CFAP52: variants seen among roughly 807,000 people sequenced by gnomAD.
CFAP52 encodes the protein cilia and flagella associated protein 52, also known as cilia- and flagella-associated protein 52.
In CFAP52, 57 loss-of-function variants were observed where a neutral mutation model predicts 70.5. The ratio of observed to expected loss-of-function variants is 0.81; its 90% CI spans 0.65 to 1.01. The LOEUF is 1.01. CFAP52 is among the 50% of genes least tolerant of loss of function. CFAP52 has a pLI of 0.00. For synonymous variants in CFAP52, 267 were observed against 292.5 expected, an observed-to-expected ratio of 0.91 and a Z score of 0.89; for missense variants, 785 against 788.5, an observed-to-expected ratio of 1.00 and a Z score of 0.05.
chr17:9,623,094 G>GTT (rs921907539), intron 8 of CFAP52, among the ~76,000 whole-genome samples: 9 of 152,050 alleles, frequency 5.9e-5, no homozygotes, highest in Admixed American at 5.9e-4. Context: ...ATTTCTCACA[G>GTT]TTTTTGTTTT....
intron 9 of CFAP52, among the ~76,000 whole-genome samples, chr17:9,630,447 A>T (rs1461426370): frequency 7.1e-6 from 1 of 140,040 alleles, no homozygotes; most frequent in Non-Finnish European, 1.5e-5. Flanking sequence ...TTTTTTTTTA[A>T]GAGACGGAGT....
chr17:9,606,900 GT>G (rs1220012000), intron 6 of CFAP52, among the ~76,000 whole-genome samples: 1 of 152,152 alleles, frequency 6.6e-6, no homozygotes, highest in African/African-American at 2.4e-5. Context: ...TTGAGCCTTG[GT>G]TTCTCTTCTC....
At chr17:9,602,992 G>A (rs1909339820) in intron 6 of CFAP52, among the ~76,000 whole-genome samples, 1 of 152,158 alleles carries the variant, frequency 6.6e-6, no homozygotes, top group South Asian at 2.1e-4. Context: ...TCAGGTTAAG[G>A]AGAGCAAGTC....
intron 8 of CFAP52, among the ~76,000 whole-genome samples, chr17:9,621,853 G>A (rs2151945174): frequency 7.2e-6 from 1 of 138,920 alleles, no homozygotes; most frequent in East Asian, 2.2e-4. Flanking sequence ...GGGGACTGTG[G>A]TGGGGTCGGG....
chr17:9,635,859 A>G (rs1039415356), intron 11 of CFAP52, among the ~76,000 whole-genome samples: 6 of 152,120 alleles, frequency 3.9e-5, no homozygotes, highest in Non-Finnish European at 8.8e-5. Context: ...AGTGTCCCAA[A>G]TGAAAGGGGG....
downstream of CFAP52, among the ~76,000 whole-genome samples, chr17:9,644,208 C>T (rs990172193): frequency 2.0e-5 from 3 of 152,142 alleles, no homozygotes; most frequent in African/African-American, 7.2e-5. Context: ...CTGAATCAAG[C>T]GATTCTCCTG....
chr17:9,579,607 T>C (rs1908121852), intron 1 of CFAP52, among the ~76,000 whole-genome samples: 1 of 152,146 alleles, frequency 6.6e-6, no homozygotes, highest in African/African-American at 2.4e-5. Flanking sequence ...TCACCCTGTC[T>C]CCCAGGCTGG....
chr17:9,635,596 A>G, intron 11 of CFAP52, 40 bp downstream of exon 11: 1 of 1,612,694 alleles, frequency 6.2e-7, no homozygotes, highest in Non-Finnish European at 8.5e-7. Flanking sequence ...GATACCTGCA[A>G]AATCCAATCA....
chr17:9,583,473 A>G (rs1205304097), intron 1 of CFAP52, among the ~76,000 whole-genome samples: 2 of 152,068 alleles, frequency 1.3e-5, no homozygotes, highest in Non-Finnish European at 2.9e-5. Flanking sequence ...TAGCAACAAA[A>G]AAGTTTTTTA....
At chr17:9,622,134 T>A (rs1016348958) in intron 8 of CFAP52, among the ~76,000 whole-genome samples, 2 of 152,224 alleles carry the variant, frequency 1.3e-5, no homozygotes, top group African/African-American at 2.4e-5. Flanking sequence ...ATGTCCTGTG[T>A]TGAAATTATT....
At chr17:9,622,552 A>AAGAAG (rs113311384) in intron 8 of CFAP52, among the ~76,000 whole-genome samples, 114 of 151,486 alleles carry the variant, frequency 7.5e-4, no homozygotes, top group African/African-American at 2.7e-3. Flanking sequence ...ATTAAAAAAA[A>AAGAAG]AAGAAGAAGA....
At chr17:9,580,493 G>C (rs1489048088) in intron 1 of CFAP52, among the ~76,000 whole-genome samples, 1 of 152,098 alleles carries the variant, frequency 6.6e-6, no homozygotes, top group Non-Finnish European at 1.5e-5. Context: ...TTTGAGACCA[G>C]CCTGGGCAAC....
chr17:9,613,742 C>G (rs1408103083), intron 8 of CFAP52, among the ~76,000 whole-genome samples: 2 of 152,076 alleles, frequency 1.3e-5, no homozygotes, highest in Non-Finnish European at 2.9e-5. Flanking sequence ...TGGTCTTGAA[C>G]TCCCGACTTC....
intron 10 of CFAP52, among the ~76,000 whole-genome samples, chr17:9,634,597 GA>G (rs541601611): frequency 6.6e-6 from 1 of 150,580 alleles, no homozygotes; most frequent in Non-Finnish European, 1.5e-5. Context: ...CTCAAAAAAA[GA>G]AAAAAAAATA....
rs1212164099 is a variant in CFAP52, at chr17:9,641,605, A to G, written c.1576-119A>G. On this transcript the variant is annotated intron_variant, in intron 12 of 13. Coordinates refer to ENST00000352665, the MANE Select transcript of CFAP52 (RefSeq NM_145054.5). The stretch of plus-strand genomic sequence containing the variant: ...TAGCCTATTTATAATTTCAGCCAGT[A>G]TCATCCCGTGGTGTATTTTTGCTCC... 1.3e-5 allele frequency: 8 copies of G among 632,468 alleles called. No homozygotes were observed. In the East Asian group the frequency reaches 1.7e-4, roughly 13 times the overall value. The allele number at this position is 632,468 out of a possible 1,614,324, so 39.2% of individuals were successfully genotyped here.
intron 11 of CFAP52, among the ~76,000 whole-genome samples, chr17:9,637,461 T>G (rs1009599661): frequency 2.6e-5 from 4 of 152,344 alleles, no homozygotes; most frequent in Middle Eastern, 3.4e-3. Flanking sequence ...GTGCATTTTT[T>G]AGCCAGGAAA....
In CFAP52 at chr17:9,643,063, G is replaced by A; in HGVS notation, c.1728G>A (p.Glu576=). ...TGGTCAAAGTTTGGGATTATAATGA[G>A]GGTGAAGTGACTCACGTTGGGGTGG... The part of the protein sequence containing the change: ...DHLVKVWDYN[E]GEVTHVGVGH... Residue 576 remains glutamate (E), a synonymous_variant, in exon 14 of 14, where the codon GAG becomes GAA. Coordinates refer to ENST00000352665, the MANE Select transcript of CFAP52 (RefSeq NM_145054.5). 1 of 1,611,384 alleles carries A rather than the reference G, an allele frequency of 6.2e-7. No individual in the cohort carries two copies. Among genetic ancestry groups the A allele is most frequent in the Non-Finnish European group, 8.5e-7 (1 of 1,178,962 alleles).
intron 3 of CFAP52, among the ~76,000 whole-genome samples, chr17:9,593,825 C>T (rs1012969964): frequency 2.0e-5 from 3 of 150,868 alleles, no homozygotes; most frequent in Admixed American, 6.6e-5. Flanking sequence ...ATTACCCGGA[C>T]ATGGTGGTGT....
intron 9 of CFAP52, among the ~76,000 whole-genome samples, chr17:9,630,911 G>A (rs1049279643): frequency 1.3e-5 from 2 of 149,128 alleles, no homozygotes; most frequent in Non-Finnish European, 1.5e-5. Context: ...TCTTGAACCC[G>A]GGAGGTGGAG....
Sources: gnomAD v4.1 joint callset for allele counts (sites outside exome capture counted in the v4.1 genomes callset) on GRCh38, gnomAD v4.1.1 for gene constraint, MANE v1.5 for transcripts, NCBI Gene and HGNC (gene_info 2026-07-23, HGNC 2026-07-21) for gene names.